USP5: variants seen among roughly 807,000 people sequenced by gnomAD.
USP5 encodes ubiquitin carboxyl-terminal hydrolase 5.
Under a neutral mutation model 102.5 loss-of-function variants are expected in USP5, and 24 were observed. The observed-to-expected ratio is 0.23, with a 90% CI of 0.17 to 0.33. The LOEUF (loss-of-function observed/expected upper bound fraction) is 0.33, where lower values mean the gene tolerates loss of function less well. Among genes scored for constraint, USP5 ranks in the 10% least tolerant of loss-of-function variants. The pLI is 1.00. For missense variants in USP5, 753 were observed against 1,122.1 expected (o/e 0.67, Z 4.70); for synonymous variants, 460 against 434.8 (o/e 1.06, Z -0.72).
Position 6,866,009 on chromosome 12 carries a change from G to A in USP5, c.2509G>A (p.Val837Met). The A allele has an allele frequency of 6.2e-7, 1 of 1,614,166 alleles. No individual in the cohort carries two copies. Among genetic ancestry groups the A allele is most frequent in the Non-Finnish European group, 8.5e-7 (1 of 1,180,026 alleles). ...GRWVIYNDQK[V>M]CASEKPPKDL... ...ATGGGTGATCTACAATGACCAGAAA[G>A]TGTGTGCCTCCGAGAAGCCGCCCAA... The change falls in exon 20 of 20, where the codon GTG (valine) becomes ATG (methionine). Residue 837 changes from valine (V) to methionine (M), a missense_variant. Val to Met is a conservative substitution (Grantham distance 21). Transcript: ENST00000229268. This position sits in a 1 kb window ranked among gnomAD's most constrained non-coding sequence, Gnocchi z 4.7.
In USP5 at chr12:6,861,366, CAG is replaced by C; in HGVS notation, c.1499-74_1499-73del. 1 of 1,477,020 alleles carries C rather than the reference CAG, an allele frequency of 6.8e-7. No homozygotes were observed. Among genetic ancestry groups the C allele is most frequent in the Non-Finnish European group, 9.1e-7 (1 of 1,098,564 alleles). The allele number at this position is 1,477,020 out of a possible 1,614,324, so 91.5% of individuals were successfully genotyped here. ...GGGTAGAGGAACTGAAATACGGACA[CAG>C]AGCCAGTAGGGAGAGGCTAAGGAGG... On this transcript the variant is annotated intron_variant, in intron 12 of 19. Transcript: ENST00000229268. The surrounding 1 kb of genome is among the most constrained non-coding windows in gnomAD (Gnocchi z 4.9).
chr12:6,863,347 T>C lies in USP5; in HGVS notation c.1924T>C (p.Phe642Leu). The C allele has an allele frequency of 1.2e-6, 2 of 1,614,160 alleles. No homozygotes were observed. Among genetic ancestry groups the C allele is most frequent in the Non-Finnish European group, 1.7e-6 (2 of 1,179,996 alleles). ...GFYGNEDEDS[F>L]CSPHFSSPTS... The stretch of plus-strand genomic sequence containing the variant: ...CTATGGCAACGAAGACGAAGACTCC[T>C]TCTGCTCCCCTCACTTCTCCTCTCC... The change falls in exon 15 of 20, where the codon TTC becomes CTC. Residue 642 changes from phenylalanine to leucine, a missense_variant. By Grantham distance (22) the Phe-to-Leu change is conservative. Transcript: ENST00000229268. This position sits in a 1 kb window ranked among gnomAD's most constrained non-coding sequence, Gnocchi z 4.7.
chr12:6,853,437 G>GGTA lies in USP5; in HGVS notation c.111+1148_111+1150dup, dbSNP rs1944006468. ...TTCTCTGAAGTCTGGCTTTGGCAGA[G>GGTA]GTAAAAGAGCACTGCGCGGAGCAGA... On this transcript the variant is annotated intron_variant, in intron 1 of 19. Transcript: ENST00000229268. Among the ~76,000 whole-genome samples the GGTA allele has an allele frequency of 2.6e-5, 4 of 152,338 alleles. No individual in the cohort carries two copies. The South Asian group carries it at 8.3e-4, about 32-fold the overall frequency.
intron 1 of USP5, 46 bp downstream of exon 1, chr12:6,852,336 C>A (rs1220188977): frequency 6.4e-7 from 1 of 1,556,626 alleles, no homozygotes. Flanking sequence ...TTCCTTCCAT[C>A]GCCCTGGTCA....
Position 6,863,884 on chromosome 12 carries a change from T to C in USP5, c.2009T>C (p.Met670Thr), listed in dbSNP as rs782333337. The change falls in exon 16 of 20, where the codon ATG (methionine) becomes ACG (threonine). Residue 670 changes from methionine (M) to threonine (T), a missense_variant. Physicochemically the swap from Met to Thr is moderately conservative, Grantham distance 81. Coordinates refer to ENST00000229268, the MANE Select transcript of USP5 (RefSeq NM_001098536.2). This position sits in a 1 kb window ranked among gnomAD's most constrained non-coding sequence, Gnocchi z 4.7. ...CAGCTGGTGGAGATGGGATTCCCTATGGACGCCTGCCGCAAAGCTGTCTAC... is the reference window on the plus strand; with the variant it reads ...CAGCTGGTGGAGATGGGATTCCCTACGGACGCCTGCCGCAAAGCTGTCTAC... The part of the protein sequence containing the change: ...IIQLVEMGFP[M>T]DACRKAVYYT... 1.1e-5 allele frequency: 17 copies of C among 1,611,774 alleles called. No homozygotes were observed. The highest frequency in any genetic ancestry group is 6.7e-5 in the African/African-American group (5 of 74,838).
chr12:6,863,341 G>A lies in USP5; in HGVS notation c.1918G>A (p.Asp640Asn). ...TGGTTTCTATGGCAACGAAGACGAA[G>A]ACTCCTTCTGCTCCCCTCACTTCTC... Reference protein sequence around the residue: ...SLGFYGNEDEDSFCSPHFSSP... With the variant: ...SLGFYGNEDENSFCSPHFSSP... Residue 640 changes from aspartate to asparagine, a missense_variant, in exon 15 of 20, where the codon GAC (aspartate) becomes AAC (asparagine). Around this residue, in one of 3 missense-constraint regions of USP5, gnomAD observed 193 missense variants for 230.2 expected, o/e 0.84. Coordinates refer to ENST00000229268, the MANE Select transcript of USP5 (RefSeq NM_001098536.2). The surrounding 1 kb of genome is among the most constrained non-coding windows in gnomAD (Gnocchi z 4.7). The A allele has an allele frequency of 6.2e-7, 1 of 1,614,170 alleles. No individual in the cohort carries two copies. Among genetic ancestry groups the A allele is most frequent in the Non-Finnish European group, 8.5e-7 (1 of 1,180,024 alleles).
rs752329524 is a variant in USP5 at position 6,860,632 on chromosome 12, C to T, written c.1344+141C>T. 2.1e-6 allele frequency: 3 copies of T among 1,421,264 alleles called. No individual in the cohort carries two copies. Among genetic ancestry groups the T allele is most frequent in the Non-Finnish European group, 2.9e-6 (3 of 1,046,740 alleles). The allele number at this position is 1,421,264 out of a possible 1,614,324, so 88.0% of individuals were successfully genotyped here. On this transcript the variant is annotated intron_variant, in intron 11 of 19. Transcript: ENST00000229268. The surrounding 1 kb of genome is among the most constrained non-coding windows in gnomAD (Gnocchi z 5.5). ...TGTGTCCCTGTGAACAGTGCTTGCA[C>T]CTGAGGAGGACAGTGAAGGTGATGA...
Position 6,855,599 on chromosome 12 carries a change from T to C in USP5, c.237+73T>C, listed in dbSNP as rs1281940708. 25 of 1,590,868 alleles carry C rather than the reference T, an allele frequency of 1.6e-5. No homozygotes were observed. The highest frequency in any genetic ancestry group is 2.1e-5 in the Non-Finnish European group (24 of 1,169,734). On this transcript the variant is annotated intron_variant, in intron 2 of 19. Transcript: ENST00000229268. The surrounding 1 kb of genome is among the most constrained non-coding windows in gnomAD (Gnocchi z 4.6). ...CTGACCTCCTATTGGACTCAGTTTCTTTTTTTCACCTACTTTTGTGTCATT... is the reference window on the plus strand; with the variant it reads ...CTGACCTCCTATTGGACTCAGTTTCCTTTTTTCACCTACTTTTGTGTCATT...
Position 6,855,346 on chromosome 12 carries a change from C to T in USP5, c.112-55C>T. On this transcript the variant is annotated intron_variant, in intron 1 of 19. Transcript: ENST00000229268. The surrounding 1 kb of genome is among the most constrained non-coding windows in gnomAD (Gnocchi z 4.6). Reference sequence around the variant, plus strand: ...CTGACTCCAGGTTTTGGTTTCCTCACCTGACCAGGCTTCATAACATCCTCG... The same window carrying T: ...CTGACTCCAGGTTTTGGTTTCCTCATCTGACCAGGCTTCATAACATCCTCG... The T allele has an allele frequency of 6.2e-7, 1 of 1,600,850 alleles. No individual in the cohort carries two copies. The highest frequency in any genetic ancestry group is 8.5e-7 in the Non-Finnish European group (1 of 1,173,446).
chr12:6,857,401 G>C, intron 6 of USP5: 1 of 509,112 alleles, frequency 2.0e-6, no homozygotes, highest in Non-Finnish European at 3.5e-6. Flanking sequence ...GGTAGAATCA[G>C]AATCACAAGT....
Position 6,861,755 on chromosome 12 carries a change from C to A in USP5, c.1673+138C>A. The A allele has an allele frequency of 1.0e-6, 1 of 1,002,484 alleles. No homozygotes were observed. The highest frequency in any genetic ancestry group is 1.3e-6 in the Non-Finnish European group (1 of 748,612). 62.1% of individuals were successfully genotyped at this position (1,002,484 alleles called of 1,614,324 possible). On this transcript the variant is annotated intron_variant, in intron 13 of 19. Transcript: ENST00000229268. This position sits in a 1 kb window ranked among gnomAD's most constrained non-coding sequence, Gnocchi z 4.9. The stretch of plus-strand genomic sequence containing the variant: ...GAATCAGTTGGGCTGGTAATCTGGC[C>A]CTGATGGAACCAAGGGGCCCTGGTA...
In USP5 at chr12:6,857,729, A is replaced by AC. The variant is rs781793539; in HGVS notation, c.864+11dup. 6.2e-7 allele frequency: 1 copy of AC among 1,613,434 alleles called. No homozygotes were observed. Among genetic ancestry groups the AC allele is most frequent in the Admixed American group, 1.7e-5 (1 of 59,954 alleles). On this transcript the variant is annotated splice_region_variant and intron_variant, in intron 7 of 19. Coordinates refer to ENST00000229268, the MANE Select transcript of USP5 (RefSeq NM_001098536.2). The stretch of plus-strand genomic sequence containing the variant: ...ACATGCTGAAGATGCAGAAGGTGAG[A>AC]CCCCCTTCAACTTCAGATTCTTCTA...
chr12:6,860,327 A>G lies in USP5; in HGVS notation c.1219-39A>G, dbSNP rs782078808. The G allele has an allele frequency of 1.5e-5, 24 of 1,613,964 alleles. No homozygotes were observed. The South Asian group carries it at 2.5e-4, about 17-fold the overall frequency. ...GTCTAAAGAAGGCCCCTGGATGGCC[A>G]CTGAGCCCCAGCTGAGTCCCTGCCC... On this transcript the variant is annotated intron_variant, in intron 10 of 19. Coordinates refer to ENST00000229268, the MANE Select transcript of USP5 (RefSeq NM_001098536.2). This position sits in a 1 kb window ranked among gnomAD's most constrained non-coding sequence, Gnocchi z 5.5.
At chr12:6,857,744 A>G (rs1291406738) in intron 7 of USP5, 21 bp downstream of exon 7, 2 of 1,613,186 alleles carry the variant, frequency 1.2e-6, no homozygotes, top group Non-Finnish European at 8.5e-7. Context: ...CTTCAACTTC[A>G]GATTCTTCTA....
Position 6,863,584 on chromosome 12 carries a change from C to T in USP5, c.1954+207C>T, listed in dbSNP as rs1374546258. 6.6e-6 allele frequency among the ~76,000 whole-genome samples: 1 copy of T among 152,132 alleles called. No individual in the cohort carries two copies. On this transcript the variant is annotated intron_variant, in intron 15 of 19. Coordinates refer to ENST00000229268, the MANE Select transcript of USP5 (RefSeq NM_001098536.2). The surrounding 1 kb of genome is among the most constrained non-coding windows in gnomAD (Gnocchi z 4.7). The stretch of plus-strand genomic sequence containing the variant: ...CAGTGCCAGCTAGTGGCCTCTCTGC[C>T]CTTGTTACCTCCCTGGTTTGGGTAG...
chr12:6,859,516 C>A lies in USP5; in HGVS notation c.1105C>A (p.Pro369Thr). 1 of 1,614,208 alleles carries A rather than the reference C, an allele frequency of 6.2e-7. No individual in the cohort carries two copies. Among genetic ancestry groups the A allele is most frequent in the Non-Finnish European group, 8.5e-7 (1 of 1,180,048 alleles). The change falls in exon 9 of 20, where the codon CCT becomes ACT. Residue 369 changes from proline to threonine, a missense_variant. Pro to Thr is a conservative substitution (Grantham distance 38). Coordinates refer to ENST00000229268, the MANE Select transcript of USP5 (RefSeq NM_001098536.2). ...GATCTTCCAGAATGCCCCGACGGAC[C>A]CTACCCAGGATTTCAGCACCCAGGT... is the stretch of plus-strand genomic sequence containing the variant. The part of the protein sequence containing the change: ...EKIFQNAPTD[P>T]TQDFSTQVAK...
rs1365927249 is a variant in USP5 at position 6,858,516 on chromosome 12, C to A, written c.957C>A (p.Pro319=). The stretch of plus-strand genomic sequence containing the variant: ...AGGAGTCAGGTGTGCCACTCAAGCC[C>A]CTGTTTGGGCCTGGCTACACAGGCA... ...LIQESGVPLK[P]LFGPGYTGIR... The change falls in exon 8 of 20, where the codon CCC becomes CCA. Residue 319 remains proline (P), a synonymous_variant. Coordinates refer to ENST00000229268, the MANE Select transcript of USP5 (RefSeq NM_001098536.2). This position sits in a 1 kb window ranked among gnomAD's most constrained non-coding sequence, Gnocchi z 4.2. The A allele has an allele frequency of 6.2e-7, 1 of 1,613,800 alleles. No individual in the cohort carries two copies. Among genetic ancestry groups the A allele is most frequent in the African/African-American group, 1.3e-5 (1 of 74,922 alleles).
chr12:6,853,891 C>T (rs144448240), intron 1 of USP5, among the ~76,000 whole-genome samples: 29 of 152,318 alleles, frequency 1.9e-4, no homozygotes, highest in African/African-American at 6.7e-4. Flanking sequence ...ATCTATGGGA[C>T]CAAGAACTAC....
In USP5 at chr12:6,860,177, C is replaced by G. The variant is rs1555129210; in HGVS notation, c.1157C>G (p.Ser386Cys). The change falls in exon 10 of 20, where the codon TCC (serine) becomes TGC (cysteine). Residue 386 changes from serine to cysteine, a missense_variant. Ser to Cys is a moderately radical substitution (Grantham distance 112). This residue lies in a region of USP5 where 527 missense variants were observed against 816.5 expected (regional missense o/e 0.65). Transcript: ENST00000229268. The surrounding 1 kb of genome is among the most constrained non-coding windows in gnomAD (Gnocchi z 5.5). The stretch of plus-strand genomic sequence containing the variant: ...GCCAAGCTGGGCCATGGCCTTCTCT[C>G]CGGGGAGTATTCCAAGCCAGTACCG... ...QVAKLGHGLL[S>C]GEYSKPVPES... The G allele has an allele frequency of 6.2e-7, 1 of 1,607,204 alleles. No individual in the cohort carries two copies.
Sources: allele counts gnomAD v4.1 joint callset (sites outside exome capture counted in the v4.1 genomes callset), GRCh38; gene constraint gnomAD v4.1.1; regional missense constraint gnomAD v4.1.1; non-coding constraint Gnocchi (gnomAD v3.1); transcripts MANE v1.5; gene names NCBI Gene and HGNC (gene_info 2026-07-23, HGNC 2026-07-21).